The following KYNU variants were observed in gnomAD, a reference collection of about 807,000 sequenced individuals.
KYNU encodes the protein L-kynurenine hydrolase.
A neutral mutation model predicts 59.2 loss-of-function variants in KYNU; 54 were observed. That is an observed-to-expected ratio of 0.91 (90% confidence interval 0.73 to 1.14). The LOEUF is 1.14. Among genes scored for constraint, KYNU ranks in the 50% most tolerant of loss-of-function variants. The probability of loss-of-function intolerance (pLI) is 0.00; values close to 1 mark genes in which losing one functional copy is unlikely to be tolerated. For missense variants in KYNU, 567 were observed against 554.4 expected (o/e 1.02, Z -0.23); for synonymous variants, 177 against 192.0 (o/e 0.92, Z 0.65).
At chr2:143,035,187 C>A (rs1422815012) in intron 12 of KYNU, among the ~76,000 whole-genome samples, 1 of 152,202 alleles carries the variant, frequency 6.6e-6, no homozygotes, top group African/African-American at 2.4e-5. Context: ...CACCGCTACA[C>A]CAGGCTAATT....
At chr2:142,942,488 T>C (rs1683637807) in intron 4 of KYNU, among the ~76,000 whole-genome samples, 1 of 152,222 alleles carries the variant, frequency 6.6e-6, no homozygotes, top group African/African-American at 2.4e-5. Flanking sequence ...AAAATAATTT[T>C]GTAGTAACTG....
In KYNU at chr2:143,050,182, A is replaced by T. The variant is rs1687238830; in HGVS notation, c.*8010A>T. On this transcript the variant is annotated 3_prime_UTR_variant, in exon 14 of 14. Transcript: ENST00000264170. ...ATATTTGAAGCAATTGTATTTTTTA[A>T]AAATTTCTTCTAAAGAAAACCAGGA... 6.6e-6 allele frequency: 1 copy of T among 151,310 alleles called. No homozygotes were observed. The highest frequency in any genetic ancestry group is 1.5e-5 in the Non-Finnish European group (1 of 67,830). 9.4% of individuals were successfully genotyped at this position (151,310 alleles called of 1,614,324 possible). A position where few individuals can be genotyped will look rare whatever the true frequency, so the allele number is the denominator to read the frequency against.
intron 10 of KYNU, among the ~76,000 whole-genome samples, chr2:143,006,068 A>C (rs1406530939): frequency 6.6e-6 from 1 of 152,188 alleles, no homozygotes; most frequent in African/African-American, 2.4e-5. Flanking sequence ...ATGGCCGAAT[A>C]GGAACAGCTC....
rs1222437103 is a variant in KYNU, at chr2:142,881,909, C to CTTTTTTTTTT, written c.-19-3434_-19-3433insTTTTTTTTTT. ...TGCCAGCACACCTGGCTTTTCTTTTCTTTTTTCTTTTTTTTTTTTTTTTTT... is the reference window on the plus strand; with the variant it reads ...TGCCAGCACACCTGGCTTTTCTTTTCTTTTTTTTTTTTTTTTCTTTTTTTTTTTTTTTTTT... On this transcript the variant is annotated intron_variant, in intron 1 of 13. Transcript: ENST00000264170. 7.9e-4 allele frequency among the ~76,000 whole-genome samples: 98 copies of CTTTTTTTTTT among 124,632 alleles called. 5 individuals are homozygous for CTTTTTTTTTT. The highest frequency in any genetic ancestry group is 1.5e-3 in the African/African-American group (46 of 30,168). 81.8% of individuals were successfully genotyped at this position (124,632 alleles called of 152,430 possible).
chr2:142,911,280 C>A (rs1682471311), intron 2 of KYNU, among the ~76,000 whole-genome samples: 1 of 152,064 alleles, frequency 6.6e-6, no homozygotes, highest in South Asian at 2.1e-4. Context: ...CTTTCACCTC[C>A]TTGGTTAGAT....
At position 143,052,974 on chromosome 2, in the gene KYNU, C is replaced by A. The variant is rs976553653; in HGVS notation, c.*10802C>A. 2.6e-5 allele frequency: 4 copies of A among 152,336 alleles called. No homozygotes were observed. Among genetic ancestry groups the A allele is most frequent in the African/African-American group, 9.6e-5 (4 of 41,460 alleles). The allele number at this position is 152,336 out of a possible 1,614,324, so 9.4% of individuals were successfully genotyped here. A position where few individuals can be genotyped will look rare whatever the true frequency, so the allele number is the denominator to read the frequency against. On this transcript the variant is annotated 3_prime_UTR_variant, in exon 14 of 14. Transcript: ENST00000264170. ...CAGGAGGGGGCTATACCCTGCAAAG[C>A]CACAGGGGCGGACCTGCTCAAGGCT... is the stretch of plus-strand genomic sequence containing the variant.
chr2:143,038,359 G>C (rs1039472270), intron 12 of KYNU, among the ~76,000 whole-genome samples: 3 of 152,128 alleles, frequency 2.0e-5, no homozygotes, highest in Admixed American at 2.0e-4. Flanking sequence ...GCCTGTCCCT[G>C]CTCCTCTGGG....
chr2:142,987,562 C>T (rs1420940005), intron 10 of KYNU, among the ~76,000 whole-genome samples: 1 of 151,896 alleles, frequency 6.6e-6, no homozygotes, highest in Non-Finnish European at 1.5e-5. Flanking sequence ...CTAGGCAGAC[C>T]AGGTTCACAG....
intron 10 of KYNU, among the ~76,000 whole-genome samples, chr2:143,028,293 T>C (rs1686636936): frequency 7.3e-6 from 1 of 136,498 alleles, no homozygotes; most frequent in South Asian, 2.4e-4. Context: ...TCACCCAGGT[T>C]GGAGTGCAGT....
chr2:142,954,637 C>A lies in KYNU; in HGVS notation c.374-173C>A, dbSNP rs528706162. On this transcript the variant is annotated intron_variant, in intron 4 of 13. Coordinates refer to ENST00000264170, the MANE Select transcript of KYNU (RefSeq NM_003937.3). ...GCTGTGTGCATCTAAGTCCAGATAT[C>A]ATTTGATAAAATGAGTCAAGTGGGA... Among the ~76,000 whole-genome samples the A allele has an allele frequency of 3.9e-5, 6 of 152,112 alleles. No homozygotes were observed. The South Asian group carries it at 1.2e-3, about 32-fold the overall frequency.
At chr2:143,024,158 A>G (rs891492906) in intron 10 of KYNU, among the ~76,000 whole-genome samples, 1 of 151,926 alleles carries the variant, frequency 6.6e-6, no homozygotes, top group Admixed American at 6.6e-5. Flanking sequence ...CTTTCTTGAT[A>G]TTCACTTTGT....
intron 4 of KYNU, among the ~76,000 whole-genome samples, chr2:142,938,824 T>C (rs1405948420): frequency 2.0e-5 from 3 of 152,154 alleles, no homozygotes; most frequent in Non-Finnish European, 2.9e-5. Flanking sequence ...TAAATTTTTT[T>C]TAATAACTTT....
Position 142,988,750 on chromosome 2 carries a change from A to G in KYNU, c.902+2729A>G. ...TTCTCACACTCCTAAGCTTCTTTTT[A>G]AGTGATGTCAGTGACTGATCTCAGT... On this transcript the variant is annotated intron_variant, in intron 10 of 13. Transcript: ENST00000264170. The G allele has an allele frequency of 7.9e-6, 7 of 887,552 alleles. 1 individual carries two copies. The South Asian group carries it at 9.2e-5, about 12-fold the overall frequency. 55.0% of individuals were successfully genotyped at this position (887,552 alleles called of 1,614,324 possible). A position where few individuals can be genotyped will look rare whatever the true frequency, so the allele number is the denominator to read the frequency against.
intron 10 of KYNU, among the ~76,000 whole-genome samples, chr2:143,025,690 T>C (rs975500793): frequency 6.6e-6 from 1 of 152,112 alleles, no homozygotes; most frequent in Non-Finnish European, 1.5e-5. Flanking sequence ...ACCATTCTGC[T>C]CTGACTTTTT....
chr2:142,947,340 T>C (rs941131712), intron 4 of KYNU: 20 of 1,006,720 alleles, frequency 2.0e-5, no homozygotes, highest in Middle Eastern at 6.2e-4. Flanking sequence ...CTATTGCAGA[T>C]GGGATTTCCT....
intron 4 of KYNU, among the ~76,000 whole-genome samples, chr2:142,941,719 T>C (rs892893532): frequency 1.3e-5 from 2 of 152,200 alleles, no homozygotes; most frequent in Admixed American, 1.3e-4. Flanking sequence ...ACCTGACCCG[T>C]AGGTAATTTA....
chr2:142,896,089 A>G (rs192208168), intron 2 of KYNU, among the ~76,000 whole-genome samples: 1 of 152,338 alleles, frequency 6.6e-6, no homozygotes, highest in East Asian at 1.9e-4. Context: ...ATACAAAAAC[A>G]GGTCATGGGC....
Position 142,960,671 on chromosome 2 carries a change from G to C in KYNU, c.630G>C (p.Lys210Asn), listed in dbSNP as rs575687340. The C allele has an allele frequency of 6.2e-7, 1 of 1,613,238 alleles. No homozygotes were observed. Among genetic ancestry groups the C allele is most frequent in the Non-Finnish European group, 8.5e-7 (1 of 1,179,456 alleles). The change falls in exon 8 of 14, where the codon AAG (lysine) becomes AAC (asparagine). Residue 210 changes from lysine to asparagine, a missense_variant. Lys to Asn is a moderately conservative substitution (Grantham distance 94, BLOSUM62 0). Coordinates refer to ENST00000264170, the MANE Select transcript of KYNU (RefSeq NM_003937.3). ...AGGATATCCTTGAAGTAATTGAGAA[G>C]GAAGGAGACTCAATTGCAGTGATCC... is the stretch of plus-strand genomic sequence containing the variant. ...RIEDILEVIE[K>N]EGDSIAVILF...
chr2:142,930,939 C>T (rs1320844745), intron 4 of KYNU, among the ~76,000 whole-genome samples: 1 of 152,164 alleles, frequency 6.6e-6, no homozygotes, highest in Non-Finnish European at 1.5e-5. Context: ...TGCAGGCGGG[C>T]TGAGGCCTAA....
Sources: allele counts gnomAD v4.1 joint callset (sites outside exome capture counted in the v4.1 genomes callset), GRCh38; gene constraint gnomAD v4.1.1; transcripts MANE v1.5; gene names NCBI Gene and HGNC (gene_info 2026-07-23, HGNC 2026-07-21).